Variants in VPS13B observed in about 807,000 individuals in gnomAD.
The protein encoded by VPS13B is intermembrane lipid transfer protein VPS13B.
Under a neutral mutation model 426.4 loss-of-function variants are expected in VPS13B, and 285 were observed. The ratio of observed to expected loss-of-function variants is 0.67; its 90% confidence interval spans 0.61 to 0.74. VPS13B has a LOEUF of 0.74. VPS13B is among the 30% of genes least tolerant of loss of function. The pLI is 0.00. For synonymous variants in VPS13B, 1,676 were observed against 1,676.4 expected (o/e 1.00, Z 0.01); for missense variants, 4,537 against 4,782.6 (o/e 0.95, Z 1.51).
intron 3 of VPS13B, among the ~76,000 whole-genome samples, chr8:99,069,563 A>C (rs1274362349): frequency 6.6e-6 from 1 of 152,236 alleles, no homozygotes; most frequent in African/African-American, 2.4e-5. Flanking sequence ...TACATTTTCT[A>C]ATAATTTGTG....
At chr8:99,388,787 G>C (rs75328882) in intron 20 of VPS13B, among the ~76,000 whole-genome samples, 3,102 of 152,278 alleles carry the variant, frequency 0.02, 115 homozygotes, top group African/African-American at 0.071. Flanking sequence ...AGGCATACAA[G>C]AGCCTTACTC....
chr8:99,839,434 C>G (rs181504096), intron 54 of VPS13B, among the ~76,000 whole-genome samples: 37 of 152,296 alleles, frequency 2.4e-4, no homozygotes, highest in African/African-American at 6.7e-4. Context: ...TTCCTGCCTT[C>G]AAAGACTTGA....
At chr8:99,053,877 A>AC (rs1206532514) in intron 3 of VPS13B, among the ~76,000 whole-genome samples, 1 of 151,478 alleles carries the variant, frequency 6.6e-6, no homozygotes, top group East Asian at 1.9e-4. Flanking sequence ...TAATTTTTAT[A>AC]TTTTTTAGTA....
intron 52 of VPS13B, among the ~76,000 whole-genome samples, chr8:99,834,572 T>C (rs1325434361): frequency 6.6e-6 from 1 of 152,046 alleles, no homozygotes; most frequent in Non-Finnish European, 1.5e-5. Flanking sequence ...GGTCTTGCTC[T>C]GTCACCCAGG....
At chr8:99,150,962 G>A (rs998733575) in intron 14 of VPS13B, among the ~76,000 whole-genome samples, 7 of 152,198 alleles carry the variant, frequency 4.6e-5, no homozygotes, top group Non-Finnish European at 8.8e-5. Context: ...CTGCCAAATT[G>A]TCTTCCAAAG....
chr8:99,697,509 AAG>A lies in VPS13B; in HGVS notation c.6047-2012_6047-2011del, dbSNP rs556000279. On this transcript the variant is annotated intron_variant, in intron 35 of 61. Transcript: ENST00000357162. ...CTGAAGGAGCAGAAGTCGCTCACCA[AAG>A]AGAAGGAGGAGCTGGAGCTGCTGAA... 4.6e-5 allele frequency: 34 copies of A among 738,018 alleles called. No homozygotes were observed. The South Asian group carries it at 4.9e-4, about 11-fold the overall frequency. The allele number at this position is 738,018 out of a possible 1,614,324, so 45.7% of individuals were successfully genotyped here. A position where few individuals can be genotyped will look rare whatever the true frequency, so the allele number is the denominator to read the frequency against.
In VPS13B at chr8:99,823,914, A is replaced by G; in HGVS notation, c.9266A>G (p.Asn3089Ser). The G allele has an allele frequency of 6.2e-7, 1 of 1,613,602 alleles. No individual in the cohort carries two copies. The highest frequency in any genetic ancestry group is 2.2e-5 in the East Asian group (1 of 44,834). ...QIEDKTTIINNTPYQIFYKPQ... is the reference protein window; with the variant it reads ...QIEDKTTIINSTPYQIFYKPQ... Reference sequence around the variant, plus strand: ...GAAGACAAGACTACAATAATCAATAATACACCATATCAAATATTTTATAAA... The same window carrying G: ...GAAGACAAGACTACAATAATCAATAGTACACCATATCAAATATTTTATAAA... The change falls in exon 51 of 62, where the codon AAT becomes AGT. Residue 3089 changes from asparagine to serine, a missense_variant. Asn to Ser is a conservative substitution (Grantham distance 46, BLOSUM62 1). Around this residue, in one of 2 missense-constraint regions of VPS13B, gnomAD observed 4,311 missense variants for 4,474.3 expected, o/e 0.96. Transcript: ENST00000357162.
At chr8:99,650,541 A>G (rs2133945847) in intron 34 of VPS13B, among the ~76,000 whole-genome samples, 1 of 152,342 alleles carries the variant, frequency 6.6e-6, no homozygotes, top group Non-Finnish European at 1.5e-5. Context: ...GTGGGGCCTC[A>G]AATTGTGGAT....
intron 39 of VPS13B, among the ~76,000 whole-genome samples, chr8:99,747,938 G>A (rs545877281): frequency 2.0e-5 from 3 of 152,082 alleles, no homozygotes; most frequent in Admixed American, 6.6e-5. Flanking sequence ...CTGTGTGGAT[G>A]TAAGACCTAG....
intron 43 of VPS13B, among the ~76,000 whole-genome samples, chr8:99,802,233 A>C (rs1262934602): frequency 6.6e-6 from 1 of 152,024 alleles, no homozygotes; most frequent in Non-Finnish European, 1.5e-5. Context: ...AATCATGTGA[A>C]TATGTAATAT....
intron 8 of VPS13B, among the ~76,000 whole-genome samples, chr8:99,122,678 T>C (rs1423950188): frequency 3.3e-5 from 5 of 152,238 alleles, no homozygotes; most frequent in African/African-American, 1.2e-4. Flanking sequence ...ATATTTTCAA[T>C]GCCAGCTGTG....
intron 2 of VPS13B, 136 bp downstream of exon 2, chr8:99,014,071 AG>A (rs1243045752): frequency 2.5e-5 from 22 of 893,720 alleles, no homozygotes; most frequent in Non-Finnish European, 3.6e-5. Context: ...CCCTGAAACA[AG>A]GGGGCTTTAT....
At chr8:99,818,975 A>C in intron 47 of VPS13B, 87 bp downstream of exon 47, 1 of 133,542 alleles carries the variant, frequency 7.5e-6, no homozygotes, top group Non-Finnish European at 1.5e-5. Flanking sequence ...GCGGCGGGGG[A>C]GGGGTGGGTA....
At chr8:99,342,378 G>A (rs1811300463) in intron 19 of VPS13B, among the ~76,000 whole-genome samples, 1 of 152,078 alleles carries the variant, frequency 6.6e-6, no homozygotes, top group Non-Finnish European at 1.5e-5. Context: ...TGTACTCTTT[G>A]TTCAAGAATT....
At chr8:99,795,727 A>G (rs1287873214) in intron 43 of VPS13B, among the ~76,000 whole-genome samples, 1 of 152,142 alleles carries the variant, frequency 6.6e-6, no homozygotes, top group Non-Finnish European at 1.5e-5. Flanking sequence ...CATCTCCAAA[A>G]TACTTACCTA....
chr8:99,194,231 T>C (rs1222739907), intron 17 of VPS13B, among the ~76,000 whole-genome samples: 2 of 152,202 alleles, frequency 1.3e-5, no homozygotes, highest in Non-Finnish European at 2.9e-5. Context: ...CTAGAGGTTC[T>C]TCACTCGGAG....
intron 2 of VPS13B, among the ~76,000 whole-genome samples, chr8:99,022,631 A>G (rs1420028960): frequency 6.6e-6 from 1 of 152,146 alleles, no homozygotes; most frequent in African/African-American, 2.4e-5. Context: ...TGGTCATTAG[A>G]GTTCTTCAAA....
At chr8:99,020,475 T>C (rs1841830670) in intron 2 of VPS13B, among the ~76,000 whole-genome samples, 1 of 152,156 alleles carries the variant, frequency 6.6e-6, no homozygotes, top group African/African-American at 2.4e-5. Flanking sequence ...TGCACCAAAG[T>C]TTTTAATTTT....
rs565114451 is a variant in VPS13B at position 99,830,347 on chromosome 8, G to T, written c.9331-2022G>T. On this transcript the variant is annotated intron_variant, in intron 51 of 61. Coordinates refer to ENST00000357162, the MANE Select transcript of VPS13B (RefSeq NM_152564.5). Reference sequence around the variant, plus strand: ...ATTCTGGCTACAGCGGCTTTGCGGGGCTGTGGTGGGCTCTTCCCAGTCCGA... The same window carrying T: ...ATTCTGGCTACAGCGGCTTTGCGGGTCTGTGGTGGGCTCTTCCCAGTCCGA... Among the ~76,000 whole-genome samples, 23 of 152,292 alleles carry T rather than the reference G, an allele frequency of 1.5e-4. 1 individual carries two copies. The highest frequency in any genetic ancestry group is 6.8e-3 in the Middle Eastern group (2 of 294).
Sources: allele counts gnomAD v4.1 joint callset (sites outside exome capture counted in the v4.1 genomes callset), GRCh38; gene constraint gnomAD v4.1.1; regional missense constraint gnomAD v4.1.1; transcripts MANE v1.5; gene names NCBI Gene and HGNC (gene_info 2026-07-23, HGNC 2026-07-21).